Variants in AGBL4 observed in about 807,000 individuals in gnomAD.
AGBL4 encodes AGBL carboxypeptidase 4, also known as cytosolic carboxypeptidase 6.
AGBL4 carries 58 observed loss-of-function variants against 66.4 expected under a neutral mutation model. The ratio of observed to expected loss-of-function variants is 0.87; its 90% CI spans 0.71 to 1.09. AGBL4 has a LOEUF of 1.09. Among genes scored for constraint, AGBL4 ranks in the 50% least tolerant of loss-of-function variants. AGBL4 has a pLI of 0.00. For synonymous variants in AGBL4, 234 were observed against 222.9 expected, an observed-to-expected ratio of 1.05 and a Z score of -0.44; for missense variants, 579 against 631.0, an observed-to-expected ratio of 0.92 and a Z score of 0.88.
intron 3 of AGBL4, among the ~76,000 whole-genome samples, chr1:49,612,508 T>G (rs1232165572): frequency 6.6e-6 from 1 of 152,092 alleles, no homozygotes; most frequent in East Asian, 1.9e-4. Context: ...CCAGAAACGA[T>G]ATGGAACTTA....
rs139546769 is a variant in AGBL4, at chr1:49,379,321, C to T, written c.283-133457G>A. ...TGTTATATGTGCATTCTTACCTCAC[C>T]AATTAGATAGATGCTTTCTTAATAG... On this transcript the variant is annotated intron_variant, in intron 3 of 13. Transcript: ENST00000371839. Among the ~76,000 whole-genome samples, 920 of 152,182 alleles carry T rather than the reference C, an allele frequency of 6.0e-3. 10 individuals are homozygous for T. The highest frequency in any genetic ancestry group is 8.7e-3 in the Non-Finnish European group (591 of 67,988).
chr1:49,909,256 A>ACATT (rs1650580891), intron 1 of AGBL4, among the ~76,000 whole-genome samples: 1 of 152,182 alleles, frequency 6.6e-6, no homozygotes, highest in East Asian at 1.9e-4. Context: ...TTAAATATAT[A>ACATT]CATTCATACA....
chr1:49,565,584 A>G (rs1396920852), intron 3 of AGBL4, among the ~76,000 whole-genome samples: 1 of 152,154 alleles, frequency 6.6e-6, no homozygotes, highest in Non-Finnish European at 1.5e-5. Flanking sequence ...GCTGGATATG[A>G]AATTCTGGGT....
intron 3 of AGBL4, among the ~76,000 whole-genome samples, chr1:49,443,149 T>C (rs1250518650): frequency 6.6e-6 from 1 of 152,168 alleles, no homozygotes; most frequent in African/African-American, 2.4e-5. Context: ...TTGAATTGCT[T>C]GAGTTCCTTG....
chr1:48,961,626 A>T (rs1266083233), intron 5 of AGBL4, among the ~76,000 whole-genome samples: 1 of 152,206 alleles, frequency 6.6e-6, no homozygotes, highest in Non-Finnish European at 1.5e-5. Flanking sequence ...TCCTGGCATC[A>T]CTGTGCAGTG....
chr1:49,816,284 C>G (rs2147981771), intron 2 of AGBL4, among the ~76,000 whole-genome samples: 1 of 152,230 alleles, frequency 6.6e-6, no homozygotes, highest in Non-Finnish European at 1.5e-5. Flanking sequence ...AGAACTGGAT[C>G]AGAAGAGAGT....
At chr1:49,499,639 C>A (rs1054292613) in intron 3 of AGBL4, among the ~76,000 whole-genome samples, 1 of 151,838 alleles carries the variant, frequency 6.6e-6, no homozygotes, top group Non-Finnish European at 1.5e-5. Flanking sequence ...TTAGTTACTT[C>A]ACTTAGAATA....
In AGBL4 at chr1:48,594,296, C is replaced by G. The variant is rs532561483; in HGVS notation, c.952-3311G>C. On this transcript the variant is annotated intron_variant, in intron 9 of 13. Coordinates refer to ENST00000371839, the MANE Select transcript of AGBL4 (RefSeq NM_032785.4). Reference sequence around the variant, plus strand: ...CTGAGATCGCACCATTGCACTCTGGCCTGGGCAACAAGAGTGAAACTCCAT... The same window carrying G: ...CTGAGATCGCACCATTGCACTCTGGGCTGGGCAACAAGAGTGAAACTCCAT... Among the ~76,000 whole-genome samples, 16 of 152,060 alleles carry G rather than the reference C, an allele frequency of 1.1e-4. No individual in the cohort carries two copies. The South Asian group carries it at 3.3e-3, about 32-fold the overall frequency.
intron 6 of AGBL4, among the ~76,000 whole-genome samples, chr1:48,709,648 C>T (rs1045082292): frequency 1.1e-4 from 16 of 150,248 alleles, no homozygotes; most frequent in Admixed American, 2.0e-4. Flanking sequence ...GTCACCCAGG[C>T]TGGAGTGCAG....
intron 11 of AGBL4, among the ~76,000 whole-genome samples, chr1:48,559,396 G>T (rs1375009829): frequency 1.3e-5 from 2 of 151,992 alleles, no homozygotes; most frequent in East Asian, 3.9e-4. Flanking sequence ...TAGTCAACCA[G>T]ACAATAAGAA....
chr1:49,853,129 A>G (rs1184608301), intron 1 of AGBL4, among the ~76,000 whole-genome samples: 2 of 152,156 alleles, frequency 1.3e-5, no homozygotes, highest in Non-Finnish European at 2.9e-5. Context: ...AAAACAACCT[A>G]CTGTCTAGGG....
At chr1:48,569,480 C>T (rs1644526086) in intron 11 of AGBL4, among the ~76,000 whole-genome samples, 1 of 152,160 alleles carries the variant, frequency 6.6e-6, no homozygotes, top group Non-Finnish European at 1.5e-5. Flanking sequence ...AGCCTGGTTT[C>T]CCTGATTTCC....
At chr1:49,198,746 G>GTT (rs988144420) in intron 4 of AGBL4, among the ~76,000 whole-genome samples, 2 of 144,174 alleles carry the variant, frequency 1.4e-5, no homozygotes, top group Admixed American at 7.0e-5. Flanking sequence ...AAAAACTTGC[G>GTT]TTTTTTTTTT....
chr1:49,164,938 G>T (rs1254686971), intron 4 of AGBL4, among the ~76,000 whole-genome samples: 1 of 152,056 alleles, frequency 6.6e-6, no homozygotes, highest in East Asian at 1.9e-4. Flanking sequence ...GTTGGGTGGG[G>T]TTTAGAGCCA....
At chr1:48,662,925 T>TATCC in intron 7 of AGBL4, among the ~76,000 whole-genome samples, 1 of 152,226 alleles carries the variant, frequency 6.6e-6, no homozygotes, top group East Asian at 1.9e-4. Context: ...CCTGTTCATT[T>TATCC]ATCCATCCAT....
At chr1:49,673,514 G>A (rs1050358398) in intron 3 of AGBL4, among the ~76,000 whole-genome samples, 2 of 152,016 alleles carry the variant, frequency 1.3e-5, no homozygotes, top group Non-Finnish European at 2.9e-5. Flanking sequence ...CCCATTCTTC[G>A]TGATGTGCTT....
intron 3 of AGBL4, among the ~76,000 whole-genome samples, chr1:49,500,170 T>G (rs183403133): frequency 2.0e-5 from 3 of 152,124 alleles, no homozygotes; most frequent in Non-Finnish European, 4.4e-5. Flanking sequence ...CATTTGTATA[T>G]CTTCTTTTGA....
intron 5 of AGBL4, among the ~76,000 whole-genome samples, chr1:48,875,387 A>G (rs889472111): frequency 1.3e-5 from 2 of 152,156 alleles, no homozygotes; most frequent in Non-Finnish European, 2.9e-5. Flanking sequence ...ATAATAAAAA[A>G]TGCTTTAGCA....
In AGBL4 at chr1:49,948,051, AATAT is replaced by A. The variant is rs199538914; in HGVS notation, c.34+75708_34+75711del. Among the ~76,000 whole-genome samples, 38 of 85,306 alleles carry A rather than the reference AATAT, an allele frequency of 4.5e-4. 4 individuals carry two copies. Among genetic ancestry groups the A allele is most frequent in the East Asian group, 1.3e-3 (4 of 3,168 alleles). The allele number at this position is 85,306 out of a possible 152,430, so 56.0% of individuals were successfully genotyped here. On this transcript the variant is annotated intron_variant, in intron 1 of 13. Coordinates refer to ENST00000371839, the MANE Select transcript of AGBL4 (RefSeq NM_032785.4). ...AAATATATATACATATAAATATATAAATATATATATGTAAATATATGTAAATATA... is the reference window on the plus strand; with the variant it reads ...AAATATATATACATATAAATATATAAATATATGTAAATATATGTAAATATA...
Sources: gnomAD v4.1 joint callset for allele counts (sites outside exome capture counted in the v4.1 genomes callset) on GRCh38, gnomAD v4.1.1 for gene constraint, MANE v1.5 for transcripts, NCBI Gene and HGNC (gene_info 2026-07-23, HGNC 2026-07-21) for gene names.